The following AFF4 variants were observed in gnomAD, a reference collection of about 807,000 sequenced individuals.
The protein encoded by AFF4 is AF4/FMR2 family member 4.
AFF4 carries 13 observed loss-of-function variants against 124.8 expected under a neutral mutation model. The observed-to-expected ratio is 0.10, with a 90% CI of 0.07 to 0.17. The LOEUF is 0.17. Among genes scored for constraint, AFF4 ranks in the 10% least tolerant of loss-of-function variants. AFF4 has a pLI of 1.00. For missense variants in AFF4, 1,092 were observed against 1,403.8 expected (o/e 0.78, Z 3.55); for synonymous variants, 477 against 496.1 (o/e 0.96, Z 0.51).
chr5:132,936,960 G>A, intron 2 of AFF4, 107 bp downstream of exon 2: 4 of 1,379,294 alleles, frequency 2.9e-6, no homozygotes, highest in East Asian at 4.8e-5. Context: ...AATGTTAAGT[G>A]GTATTCATAG....
At chr5:132,908,496 AT>A (rs1281433036) in intron 5 of AFF4, among the ~76,000 whole-genome samples, 5 of 151,960 alleles carry the variant, frequency 3.3e-5, no homozygotes, top group African/African-American at 1.2e-4. Context: ...GTTGAATTAG[AT>A]TTCCATGTTC....
chr5:132,882,854 CA>C (rs59412090), intron 20 of AFF4, among the ~76,000 whole-genome samples: 74 of 123,424 alleles, frequency 6.0e-4, no homozygotes, highest in East Asian at 9.8e-4. Flanking sequence ...AACTCCATCT[CA>C]AAAAAAAAAA....
At chr5:132,917,470 T>C (rs1277289997) in intron 5 of AFF4, among the ~76,000 whole-genome samples, 1 of 152,062 alleles carries the variant, frequency 6.6e-6, no homozygotes, top group East Asian at 1.9e-4. Flanking sequence ...GGCAAGAATG[T>C]CTAATCTCAC....
rs190216833 is a variant in AFF4 at position 132,958,974 on chromosome 5, T to C, written c.-5+4285A>G. 7.0e-4 allele frequency among the ~76,000 whole-genome samples: 106 copies of C among 152,304 alleles called. 1 individual carries two copies. Among genetic ancestry groups the C allele is most frequent in the South Asian group, 1.4e-3 (7 of 4,830 alleles). On this transcript the variant is annotated intron_variant, in intron 1 of 20. Transcript: ENST00000265343. ...ATACATGAAGTTCTTTTACCTGTCCTAGGAAATGATTATTGAAGTAATTAG... is the reference window on the plus strand; with the variant it reads ...ATACATGAAGTTCTTTTACCTGTCCCAGGAAATGATTATTGAAGTAATTAG...
intron 5 of AFF4, among the ~76,000 whole-genome samples, chr5:132,907,369 A>C (rs763330822): frequency 5.3e-5 from 8 of 152,180 alleles, no homozygotes; most frequent in Non-Finnish European, 1.0e-4. Flanking sequence ...ATGAAACCCA[A>C]ACTCTCTGGC....
intron 2 of AFF4, 152 bp from the exon 3 acceptor site, chr5:132,935,093 T>C: frequency 3.8e-6 from 2 of 524,600 alleles, no homozygotes; most frequent in Non-Finnish European, 6.4e-6. Context: ...TGAAGCAAAC[T>C]CCAAATATAT....
At chr5:132,907,027 G>T (rs966872357) in intron 5 of AFF4, among the ~76,000 whole-genome samples, 3 of 152,124 alleles carry the variant, frequency 2.0e-5, no homozygotes, top group Non-Finnish European at 4.4e-5. Flanking sequence ...TGGCCTAAAA[G>T]TTAATAGCCC....
At chr5:132,897,437 C>T (rs1433429626) in intron 10 of AFF4, among the ~76,000 whole-genome samples, 197 bp from the exon 11 acceptor site, 1 of 152,200 alleles carries the variant, frequency 6.6e-6, no homozygotes, top group Non-Finnish European at 1.5e-5. Context: ...AGTGGCCAGG[C>T]ACGGTGGCTC....
rs1352697946 is a variant in AFF4 at position 132,877,754 on chromosome 5, TG to T, written c.*3304del. The stretch of plus-strand genomic sequence containing the variant: ...TTGCTTCAGAATGCAAGCTCATTCA[TG>T]AAGAAATGTACCAACGTTTCTGTCA... On this transcript the variant is annotated 3_prime_UTR_variant, in exon 21 of 21. Coordinates refer to ENST00000265343, the MANE Select transcript of AFF4 (RefSeq NM_014423.4). 4.7e-6 allele frequency: 1 copy of T among 212,074 alleles called. No homozygotes were observed. Among genetic ancestry groups the T allele is most frequent in the Non-Finnish European group, 9.6e-6 (1 of 104,468 alleles). 13.1% of individuals were successfully genotyped at this position (212,074 alleles called of 1,614,324 possible).
In AFF4 at chr5:132,887,992, G is replaced by C; in HGVS notation, c.2797-10C>G. ...TCTCAAACCTATCAGACTGAAGAAA[G>C]GAGAATGCAAGTAATGAGTAATGAT... On this transcript the variant is annotated splice_polypyrimidine_tract_variant and intron_variant, in intron 15 of 20. Coordinates refer to ENST00000265343, the MANE Select transcript of AFF4 (RefSeq NM_014423.4). 6.2e-7 allele frequency: 1 copy of C among 1,612,928 alleles called. No individual in the cohort carries two copies. The highest frequency in any genetic ancestry group is 8.5e-7 in the Non-Finnish European group (1 of 1,179,596).
At chr5:132,905,958 A>G (rs996598283) in intron 5 of AFF4, among the ~76,000 whole-genome samples, 21 of 152,220 alleles carry the variant, frequency 1.4e-4, no homozygotes, top group Non-Finnish European at 2.2e-4. Flanking sequence ...CAATTAAAAA[A>G]CAGGAAAAGG....
In AFF4 at chr5:132,913,868, A is replaced by G. The variant is rs1421053327; in HGVS notation, c.1051-9464T>C. Among the ~76,000 whole-genome samples the G allele has an allele frequency of 2.0e-5, 3 of 152,244 alleles. No homozygotes were observed. The East Asian group carries it at 5.8e-4, about 29-fold the overall frequency. ...CCACAATGGAATTAAATCACAAATC[A>G]AAACAGAAAATATGCAGAAAATCTC... On this transcript the variant is annotated intron_variant, in intron 5 of 20. Coordinates refer to ENST00000265343, the MANE Select transcript of AFF4 (RefSeq NM_014423.4).
At chr5:132,903,072 G>C (rs951383724) in intron 6 of AFF4, among the ~76,000 whole-genome samples, 3 of 152,080 alleles carry the variant, frequency 2.0e-5, no homozygotes, top group Non-Finnish European at 4.4e-5. Context: ...TTTCAGAAAA[G>C]AGAATGAGAG....
In AFF4 at chr5:132,878,668, T is replaced by TCCA. The variant is rs1759898026; in HGVS notation, c.*2388_*2390dup. 4.4e-6 allele frequency: 1 copy of TCCA among 227,490 alleles called. No individual in the cohort carries two copies. The highest frequency in any genetic ancestry group is 8.7e-6 in the Non-Finnish European group (1 of 114,350). The allele number at this position is 227,490 out of a possible 1,614,324, so 14.1% of individuals were successfully genotyped here. ...CATTACTACCTTGTGGGAAAAATCCTCCACAATGAAAAGGTTGAAAAATTC... is the reference window on the plus strand; with the variant it reads ...CATTACTACCTTGTGGGAAAAATCCTCCACCACAATGAAAAGGTTGAAAAATTC... On this transcript the variant is annotated 3_prime_UTR_variant, in exon 21 of 21. Coordinates refer to ENST00000265343, the MANE Select transcript of AFF4 (RefSeq NM_014423.4).
chr5:132,932,541 T>C (rs868780086), intron 3 of AFF4, among the ~76,000 whole-genome samples: 5 of 152,208 alleles, frequency 3.3e-5, no homozygotes, highest in African/African-American at 1.2e-4. Flanking sequence ...ATCTTACCTA[T>C]ATATAAAACA....
At chr5:132,917,609 T>C (rs966273570) in intron 5 of AFF4, among the ~76,000 whole-genome samples, 31 of 152,076 alleles carry the variant, frequency 2.0e-4, no homozygotes, top group African/African-American at 7.0e-4. Flanking sequence ...CTAGGAAATA[T>C]ATGGTATCTA....
rs565423578 is a variant in AFF4 at position 132,928,247 on chromosome 5, A to C, written c.964-1040T>G. Among the ~76,000 whole-genome samples, 111 of 152,118 alleles carry C rather than the reference A, an allele frequency of 7.3e-4. 1 individual carries two copies. The highest frequency in any genetic ancestry group is 2.5e-3 in the East Asian group (13 of 5,176). On this transcript the variant is annotated intron_variant, in intron 4 of 20. Transcript: ENST00000265343. ...AAAACAAAAAAACAAACAAAAAAAAACCCAAAACACCCTGAGCTGGGAAAG... is the reference window on the plus strand; with the variant it reads ...AAAACAAAAAAACAAACAAAAAAAACCCCAAAACACCCTGAGCTGGGAAAG...
intron 3 of AFF4, 81 bp from the exon 4 acceptor site, chr5:132,932,303 A>G: frequency 2.4e-6 from 3 of 1,225,634 alleles, no homozygotes; most frequent in Non-Finnish European, 2.3e-6. Flanking sequence ...AACATTATTA[A>G]AAGTATTTAT....
At position 132,934,597 on chromosome 5, in the gene AFF4, A is replaced by G. The variant is rs761368756; in HGVS notation, c.468T>C (p.Tyr156=). The G allele has an allele frequency of 2.8e-5, 45 of 1,614,086 alleles. No homozygotes were observed. Among genetic ancestry groups the G allele is most frequent in the Admixed American group, 1.7e-5 (1 of 60,000 alleles). Residue 156 remains tyrosine (Y), a synonymous_variant, in exon 3 of 21, where the codon TAT becomes TAC. Transcript: ENST00000265343. ...TCCGGCTACTGCTCCCACTATTGTT[A>G]TATGACTCACGGTCGTGCCTCTGAC... is the stretch of plus-strand genomic sequence containing the variant. The part of the protein sequence containing the change: ...SSGQRHDRES[Y]NNSGSSSRKK...
Sources: allele counts gnomAD v4.1 joint callset (sites outside exome capture counted in the v4.1 genomes callset), GRCh38; gene constraint gnomAD v4.1.1; transcripts MANE v1.5; gene names NCBI Gene and HGNC (gene_info 2026-07-23, HGNC 2026-07-21).